Variants in ENTREP2 observed in about 807,000 individuals in gnomAD.
The protein encoded by ENTREP2 is endosomal transmembrane epsin interactor 2, also known as protein ENTREP2.
the ENTREP2 span, among the ~76,000 whole-genome samples, chr15:29,362,936 C>G: frequency 3.3e-5 from 5 of 152,254 alleles, no homozygotes; most frequent in East Asian, 1.9e-4. Flanking sequence ...GTTAGACTAT[C>G]TTTCCCTGCT....
chr15:29,596,484 C>T, the ENTREP2 span, among the ~76,000 whole-genome samples: 1 of 152,118 alleles, frequency 6.6e-6, no homozygotes, highest in Non-Finnish European at 1.5e-5. Context: ...ACAACTTTAT[C>T]AGCTAGAATA....
the ENTREP2 span, among the ~76,000 whole-genome samples, chr15:29,156,816 C>T: frequency 6.6e-6 from 1 of 152,126 alleles, no homozygotes; most frequent in Non-Finnish European, 1.5e-5. Context: ...GGGAGAGAAG[C>T]AGTCTTAACG....
chr15:29,507,118 T>A, the ENTREP2 span, among the ~76,000 whole-genome samples: 3 of 151,924 alleles, frequency 2.0e-5, no homozygotes, highest in Admixed American at 6.6e-5. Context: ...TAGTCTCTGA[T>A]AAAACAGACT....
the ENTREP2 span, among the ~76,000 whole-genome samples, chr15:29,470,046 C>G: frequency 2.6e-5 from 4 of 152,216 alleles, no homozygotes; most frequent in African/African-American, 9.6e-5. Flanking sequence ...GTATGTTCAA[C>G]ACAGCCTTGA....
the ENTREP2 span, among the ~76,000 whole-genome samples, chr15:29,425,197 T>TGG: frequency 1.1e-5 from 1 of 91,386 alleles, no homozygotes; most frequent in Non-Finnish European, 2.6e-5. Flanking sequence ...TCCAGGTTTT[T>TGG]TGTTTTTTTT....
chr15:29,175,352 T>G, the ENTREP2 span, among the ~76,000 whole-genome samples: 1 of 152,216 alleles, frequency 6.6e-6, no homozygotes, highest in South Asian at 2.1e-4. Flanking sequence ...CAAGGCTCAA[T>G]CAACATTAGC....
the ENTREP2 span, among the ~76,000 whole-genome samples, chr15:29,579,277 A>C: frequency 1.8e-4 from 27 of 152,354 alleles, no homozygotes; most frequent in African/African-American, 6.3e-4. Flanking sequence ...AATAAGCATT[A>C]GGATGCACTC....
the ENTREP2 span, among the ~76,000 whole-genome samples, chr15:29,154,012 G>A: frequency 6.6e-6 from 1 of 151,990 alleles, no homozygotes; most frequent in East Asian, 1.9e-4. Flanking sequence ...TAAGATGTGA[G>A]TTTTAGGTTT....
At chr15:29,316,512 G>A in the ENTREP2 span, among the ~76,000 whole-genome samples, 7 of 152,110 alleles carry the variant, frequency 4.6e-5, no homozygotes, top group Non-Finnish European at 8.8e-5. Flanking sequence ...TAAAAAATAA[G>A]GGCCACCTTC....
chr15:29,548,965 C>G, the ENTREP2 span, among the ~76,000 whole-genome samples: 1 of 152,174 alleles, frequency 6.6e-6, no homozygotes, highest in Non-Finnish European at 1.5e-5. Context: ...GAAAGCCTAA[C>G]TCAGGAGGAT....
chr15:29,276,366 G>A, the ENTREP2 span, among the ~76,000 whole-genome samples: 3 of 152,172 alleles, frequency 2.0e-5, no homozygotes, highest in Non-Finnish European at 4.4e-5. Context: ...GATTCTCTTC[G>A]TTTGCTTGGT....
the ENTREP2 span, among the ~76,000 whole-genome samples, chr15:29,642,333 G>C: frequency 6.6e-6 from 1 of 151,688 alleles, no homozygotes; most frequent in Non-Finnish European, 1.5e-5. Flanking sequence ...AAATGAACCT[G>C]TGCATCTCTA....
chr15:29,559,558 C>G, the ENTREP2 span, among the ~76,000 whole-genome samples: 5 of 152,230 alleles, frequency 3.3e-5, no homozygotes, highest in East Asian at 7.7e-4. Flanking sequence ...GGGTCACAAG[C>G]CTCGATCCTC....
At chr15:29,516,968 CAAA>C in the ENTREP2 span, among the ~76,000 whole-genome samples, 4 of 88,646 alleles carry the variant, frequency 4.5e-5, no homozygotes, top group Non-Finnish European at 6.6e-5. Context: ...AATTATGAGC[CAAA>C]AAAAAAAAAA....
the ENTREP2 span, among the ~76,000 whole-genome samples, chr15:29,623,769 A>G: frequency 2.6e-5 from 4 of 152,194 alleles, no homozygotes; most frequent in Non-Finnish European, 5.9e-5. Context: ...CTGCAGGGAC[A>G]GGAAGGAGGG....
the ENTREP2 span, among the ~76,000 whole-genome samples, chr15:29,557,366 G>A: frequency 6.6e-6 from 1 of 152,196 alleles, no homozygotes; most frequent in South Asian, 2.1e-4. Flanking sequence ...AAGCGCAGAT[G>A]CCAGCTGCTC....
At chr15:29,515,486 T>C in the ENTREP2 span, among the ~76,000 whole-genome samples, 10 of 152,152 alleles carry the variant, frequency 6.6e-5, no homozygotes, top group African/African-American at 2.4e-4. Flanking sequence ...TGCTCATCTC[T>C]TCCAGAAACA....
At chr15:29,128,872 A>G in the ENTREP2 span, 1 of 1,547,352 alleles carries the variant, frequency 6.5e-7, no homozygotes, top group Admixed American at 2.0e-5. Context: ...AACCTACAGT[A>G]AGAAACAGAA....
chr15:29,321,663 GA>G, the ENTREP2 span, among the ~76,000 whole-genome samples: 518 of 141,810 alleles, frequency 3.7e-3, 3 homozygotes, highest in African/African-American at 0.012. Context: ...AAAAAAAAAA[GA>G]AAAAAAAAAG....
Sources: allele counts gnomAD v4.1 joint callset (sites outside exome capture counted in the v4.1 genomes callset), GRCh38; gene constraint gnomAD v4.1.1; transcripts MANE v1.5; gene names NCBI Gene and HGNC (gene_info 2026-07-23, HGNC 2026-07-21).